Variants in NSF observed in about 807,000 individuals in gnomAD.
NSF encodes the protein vesicle-fusing ATPase.
Under a neutral mutation model 50.3 loss-of-function variants are expected in NSF, and 14 were observed. The observed-to-expected ratio is 0.28, with a 90% CI of 0.18 to 0.44. The LOEUF is 0.44. NSF is among the 20% of genes least tolerant of loss of function. The probability of loss-of-function intolerance (pLI) is 1.00; values close to 1 mark genes in which losing one functional copy is unlikely to be tolerated. For synonymous variants in NSF, 109 were observed against 175.7 expected (o/e 0.62, Z 3.00); for missense variants, 218 against 504.3 (o/e 0.43, Z 5.44).
intron 17 of NSF, among the ~76,000 whole-genome samples, chr17:46,739,175 G>A (rs1295981103): frequency 2.0e-5 from 3 of 152,040 alleles, no homozygotes; most frequent in African/African-American, 7.2e-5. Flanking sequence ...TTCGAGACCA[G>A]CCTGGCCAGT....
chr17:46,714,813 A>C (rs1408995087), intron 15 of NSF, among the ~76,000 whole-genome samples: 1 of 152,134 alleles, frequency 6.6e-6, no homozygotes, highest in African/African-American at 2.4e-5. Flanking sequence ...GATCTTTTAT[A>C]GATATGAACT....
intron 15 of NSF, among the ~76,000 whole-genome samples, chr17:46,723,689 C>G (rs964811248): frequency 1.3e-5 from 2 of 152,166 alleles, no homozygotes; most frequent in Non-Finnish European, 2.9e-5. Flanking sequence ...TTTTCTCTTT[C>G]ATCACCACAC....
intron 4 of NSF, among the ~76,000 whole-genome samples, chr17:46,631,061 T>TATACACACAC (rs1555668559): frequency 1.6e-5 from 2 of 122,772 alleles, no homozygotes; most frequent in Non-Finnish European, 3.2e-5. Flanking sequence ...TCTCTCTCTG[T>TATACACACAC]ACACACACAC....
At chr17:46,657,469 T>C (rs1225060142) in intron 8 of NSF, among the ~76,000 whole-genome samples, 15 of 150,882 alleles carry the variant, frequency 9.9e-5, no homozygotes, top group Admixed American at 9.9e-4. Context: ...TTCCTCATTA[T>C]AAAAATGGGA....
chr17:46,720,294 A>G (rs182506921), intron 15 of NSF, among the ~76,000 whole-genome samples: 56 of 152,314 alleles, frequency 3.7e-4, no homozygotes, highest in African/African-American at 1.3e-3. Context: ...TGTTTTGTTC[A>G]ATACACTGTG....
At chr17:46,619,770 TA>T (rs139171166) in intron 1 of NSF, among the ~76,000 whole-genome samples, 4 of 20,864 alleles carry the variant, frequency 1.9e-4, no homozygotes, top group East Asian at 0.01. Flanking sequence ...AGACTCCATC[TA>T]AAAAAAAAAA....
intron 15 of NSF, among the ~76,000 whole-genome samples, chr17:46,723,577 T>G (rs1598716796): frequency 1.3e-5 from 2 of 152,316 alleles, no homozygotes; most frequent in Admixed American, 6.5e-5. Context: ...TAAAAGGCCC[T>G]TCCCTTCTTG....
chr17:46,726,505 CTG>C (rs759021876), intron 15 of NSF, 42 bp from the exon 16 acceptor site: 107 of 1,565,584 alleles, frequency 6.8e-5, no homozygotes, highest in Non-Finnish European at 9.0e-5. Flanking sequence ...ATTGTCGTAA[CTG>C]TGGAGGACAG....
intron 15 of NSF, among the ~76,000 whole-genome samples, chr17:46,725,228 G>A (rs141236773): frequency 1.3e-5 from 2 of 152,292 alleles, no homozygotes; most frequent in Non-Finnish European, 1.5e-5. Context: ...AACCTACAGA[G>A]CAGACATCAT....
intron 19 of NSF, 121 bp from the exon 20 acceptor site, chr17:46,755,193 C>A: frequency 1.4e-6 from 1 of 711,544 alleles, no homozygotes; most frequent in Non-Finnish European, 2.5e-6. Context: ...GCAGGTAACA[C>A]ATTCAGTGAC....
rs2058000902 is a variant in NSF at position 46,610,098 on chromosome 17, T to TC, written c.13-14146_13-14145insC. ...TTTCCTTCTTTCTTTCTTTTCTCTC[T>TC]TTCTCTCTCTCTCTCTCTCTCTCTC... On this transcript the variant is annotated intron_variant, in intron 1 of 20. Transcript: ENST00000398238. Among the ~76,000 whole-genome samples the TC allele has an allele frequency of 3.2e-4, 15 of 47,382 alleles. 1 individual carries two copies. The highest frequency in any genetic ancestry group is 9.3e-4 in the Admixed American group (5 of 5,372). The allele number at this position is 47,382 out of a possible 152,430, so 31.1% of individuals were successfully genotyped here. A position where few individuals can be genotyped will look rare whatever the true frequency, so the allele number is the denominator to read the frequency against.
chr17:46,745,214 G>A (rs1459142702), intron 17 of NSF, among the ~76,000 whole-genome samples: 3 of 152,284 alleles, frequency 2.0e-5, no homozygotes, highest in Admixed American at 1.3e-4. Flanking sequence ...CGAATCCCAT[G>A]CAATGTATCA....
At chr17:46,716,764 C>T (rs1408588520) in intron 15 of NSF, among the ~76,000 whole-genome samples, 1 of 152,022 alleles carries the variant, frequency 6.6e-6, no homozygotes, top group African/African-American at 2.4e-5. Flanking sequence ...TCATATTTGT[C>T]CTTCAATTCT....
intron 1 of NSF, among the ~76,000 whole-genome samples, chr17:46,597,788 CTTTTTTT>C (rs1162187499): frequency 2.3e-5 from 1 of 44,170 alleles, no homozygotes; most frequent in African/African-American, 7.0e-5. Context: ...TTGCAATACT[CTTTTTTT>C]TTTTTTTTTT....
intron 17 of NSF, among the ~76,000 whole-genome samples, chr17:46,729,428 G>C (rs1252577945): frequency 6.6e-6 from 1 of 152,168 alleles, no homozygotes; most frequent in Admixed American, 6.6e-5. Context: ...CACTTTTGAG[G>C]AGTGAATTTA....
At chr17:46,752,898 C>T (rs1218843067) in intron 19 of NSF, among the ~76,000 whole-genome samples, 2 of 152,072 alleles carry the variant, frequency 1.3e-5, no homozygotes, top group Non-Finnish European at 2.9e-5. Flanking sequence ...TCCTGAGTAG[C>T]TGGGATTACA....
chr17:46,721,998 G>A, intron 15 of NSF: 5 of 1,607,216 alleles, frequency 3.1e-6, no homozygotes, highest in South Asian at 2.2e-5. Flanking sequence ...ATAGCTTTCC[G>A]ACCACCACCA....
chr17:46,657,978 T>C (rs1244011553), intron 8 of NSF, among the ~76,000 whole-genome samples: 3 of 67,268 alleles, frequency 4.5e-5, no homozygotes, highest in Non-Finnish European at 5.9e-5. Context: ...TTATTTTTTT[T>C]TTTTTTGGCG....
chr17:46,749,104 G>A (rs2059158491), intron 17 of NSF, among the ~76,000 whole-genome samples: 1 of 152,048 alleles, frequency 6.6e-6, no homozygotes, highest in African/African-American at 2.4e-5. Context: ...AACCAGTAAT[G>A]TAACATTATT....
Sources: allele counts gnomAD v4.1 joint callset (sites outside exome capture counted in the v4.1 genomes callset), GRCh38; gene constraint gnomAD v4.1.1; transcripts MANE v1.5; gene names NCBI Gene and HGNC (gene_info 2026-07-23, HGNC 2026-07-21).